The following RAB3GAP2 variants were observed in gnomAD, a reference collection of about 807,000 sequenced individuals.
RAB3GAP2 encodes the protein RAB3 GTPase activating non-catalytic protein subunit 2.
A neutral mutation model predicts 185.3 loss-of-function variants in RAB3GAP2; 87 were observed. That is an observed-to-expected ratio of 0.47 (90% CI 0.39 to 0.56). RAB3GAP2 has a LOEUF of 0.56. RAB3GAP2 is among the 20% of genes least tolerant of loss of function. The pLI, the probability that RAB3GAP2 is intolerant of heterozygous loss-of-function variation, is 0.00. For missense variants in RAB3GAP2, 1,492 were observed against 1,638.2 expected (o/e 0.91, Z 1.54); for synonymous variants, 554 against 576.1 (o/e 0.96, Z 0.55).
At chr1:220,161,443 C>G (rs76214229) in intron 28 of RAB3GAP2, among the ~76,000 whole-genome samples, 7 of 152,266 alleles carry the variant, frequency 4.6e-5, no homozygotes, top group Admixed American at 6.5e-5. Context: ...ACTAGTGTCC[C>G]TGGCCACTCA....
chr1:220,261,234 G>C (rs149597786), intron 1 of RAB3GAP2, among the ~76,000 whole-genome samples: 3 of 152,200 alleles, frequency 2.0e-5, no homozygotes, highest in African/African-American at 7.2e-5. Flanking sequence ...GGCAAGATAT[G>C]GTCACAGCAG....
chr1:220,184,804 A>G (rs944393864), intron 18 of RAB3GAP2, among the ~76,000 whole-genome samples: 8 of 152,100 alleles, frequency 5.3e-5, no homozygotes, highest in African/African-American at 1.9e-4. Flanking sequence ...GGGCTTTGTA[A>G]GTATACCACG....
At chr1:220,151,429 A>T in intron 34 of RAB3GAP2, 23 bp from the exon 35 acceptor site, 4 of 1,614,078 alleles carry the variant, frequency 2.5e-6, no homozygotes, top group Non-Finnish European at 3.4e-6. Flanking sequence ...CACAAAAATA[A>T]CCTATTATAG....
chr1:220,253,610 G>A, intron 1 of RAB3GAP2: 1 of 1,577,828 alleles, frequency 6.3e-7, no homozygotes, highest in East Asian at 2.2e-5. Context: ...TTCCAGGAGG[G>A]TGAGCGAGTG....
At chr1:220,162,328 T>C (rs1657977296) in intron 27 of RAB3GAP2, 60 bp from the exon 28 acceptor site, 6 of 1,148,604 alleles carry the variant, frequency 5.2e-6, no homozygotes, top group Non-Finnish European at 7.9e-6. Flanking sequence ...TTATTACACA[T>C]AAATTACTCT....
intron 1 of RAB3GAP2, chr1:220,253,982 C>A (rs1421784148): frequency 6.2e-7 from 1 of 1,613,514 alleles, no homozygotes; most frequent in Admixed American, 1.7e-5. Flanking sequence ...AAGAAAAGGG[C>A]CCGGGTAGAT....
chr1:220,266,979 C>A (rs1433431943), intron 1 of RAB3GAP2: 1 of 1,608,908 alleles, frequency 6.2e-7, no homozygotes, highest in East Asian at 2.2e-5. Flanking sequence ...CTCCAAGGCT[C>A]CAGAGATCCA....
chr1:220,213,925 C>G lies in RAB3GAP2; in HGVS notation c.235G>C (p.Val79Leu), dbSNP rs948780757. The G allele has an allele frequency of 1.2e-6, 2 of 1,613,234 alleles. No homozygotes were observed. The highest frequency in any genetic ancestry group is 1.7e-5 in the Admixed American group (1 of 60,000). Residue 79 changes from valine (V) to leucine (L), a missense_variant, in exon 3 of 35, where the codon GTT becomes CTT. This residue lies in a region of RAB3GAP2 where 177 missense variants were observed against 160.6 expected (regional missense o/e 1.10). Transcript: ENST00000358951. ...TQKTSWLQDC[V>L]LSLSPTNDLM... is the part of the protein sequence containing the mutation. Reference sequence around the variant, plus strand: ...TCATTGGTTGGAGATAAGGATAAAACACAATCTTGGAGCCAGGAAGTTTTT... The same window carrying G: ...TCATTGGTTGGAGATAAGGATAAAAGACAATCTTGGAGCCAGGAAGTTTTT...
intron 21 of RAB3GAP2, among the ~76,000 whole-genome samples, chr1:220,180,998 T>G (rs1658393978): frequency 6.6e-6 from 1 of 152,226 alleles, no homozygotes; most frequent in African/African-American, 2.4e-5. Context: ...TTTTTTCTTG[T>G]CATTATTCCC....
At position 220,200,511 on chromosome 1, in the gene RAB3GAP2, T is replaced by C. The variant is rs78808041; in HGVS notation, c.811+1765A>G. 1,340 of 511,852 alleles carry C rather than the reference T, an allele frequency of 2.6e-3. 17 individuals are homozygous for C. Among genetic ancestry groups the C allele is most frequent in the African/African-American group, 0.024 (1,208 of 51,030 alleles). 31.7% of individuals were successfully genotyped at this position (511,852 alleles called of 1,614,324 possible). ...AATTAACCAGACCTCTACATAAAGA[T>C]GTACATACAATAACGTTTATTGTAC... On this transcript the variant is annotated intron_variant, in intron 9 of 34. Transcript: ENST00000358951.
Position 220,167,520 on chromosome 1 carries a change from C to T in RAB3GAP2, c.2962G>A (p.Asp988Asn), listed in dbSNP as rs369645487. Residue 988 changes from aspartate (D) to asparagine (N), a missense_variant, in exon 25 of 35, where the codon GAC becomes AAC. Physicochemically the swap from Asp to Asn is conservative, Grantham distance 23 (BLOSUM62 1). Around this residue, in one of 5 missense-constraint regions of RAB3GAP2, gnomAD observed 681 missense variants for 689.1 expected, o/e 0.99. Coordinates refer to ENST00000358951, the MANE Select transcript of RAB3GAP2 (RefSeq NM_012414.4). The part of the protein sequence containing the change: ...SFLEVSEMEM[D>N]LGAIPDLLHL... ...GTATCACCTGGTATGGCTCCTAAGT[C>T]CATCTCCATCTCTGATACCTCAAGG... is the stretch of plus-strand genomic sequence containing the variant. 147 of 1,614,014 alleles carry T rather than the reference C, an allele frequency of 9.1e-5. No homozygotes were observed. The highest frequency in any genetic ancestry group is 1.2e-4 in the Non-Finnish European group (141 of 1,180,024).
chr1:220,157,334 A>G lies in RAB3GAP2; in HGVS notation c.3491T>C (p.Ile1164Thr), dbSNP rs1390417055. ...AGAAAACCTCATGACTGCATACAAG[A>G]TGGAGCACAGGATGGAGTGGTGCTC... ...LVEHHSILCS[I>T]LYAVMRFSLK... The change falls in exon 31 of 35, where the codon ATC (isoleucine) becomes ACC (threonine). Residue 1164 changes from isoleucine (I) to threonine (T), a missense_variant. Physicochemically the swap from Ile to Thr is moderately conservative, Grantham distance 89. Coordinates refer to ENST00000358951, the MANE Select transcript of RAB3GAP2 (RefSeq NM_012414.4). 1.2e-6 allele frequency: 2 copies of G among 1,613,974 alleles called. No individual in the cohort carries two copies. Among genetic ancestry groups the G allele is most frequent in the Non-Finnish European group, 8.5e-7 (1 of 1,179,978 alleles).
intron 4 of RAB3GAP2, 72 bp from the exon 5 acceptor site, chr1:220,211,074 T>C (rs1387602067): frequency 7.1e-6 from 10 of 1,407,616 alleles, no homozygotes; most frequent in Non-Finnish European, 1.0e-5. Context: ...TATAATTGGA[T>C]GTTAAAGGAT....
chr1:220,255,311 C>T (rs1459150631), intron 1 of RAB3GAP2, among the ~76,000 whole-genome samples: 1 of 151,922 alleles, frequency 6.6e-6, no homozygotes, highest in East Asian at 1.9e-4. Context: ...GATAGATAGC[C>T]CCCAAAGATG....
Position 220,190,135 on chromosome 1 carries a change from C to G in RAB3GAP2, c.1643G>C (p.Ser548Thr). 6.2e-7 allele frequency: 1 copy of G among 1,612,396 alleles called. No individual in the cohort carries two copies. Among genetic ancestry groups the G allele is most frequent in the Non-Finnish European group, 8.5e-7 (1 of 1,178,584 alleles). The stretch of plus-strand genomic sequence containing the variant: ...TAGGTGCATATCCTTGGCTCGTTCA[C>G]TCTTCTTATCACTAAACCAATAAAT... ...PFHLALSDKK[S>T]ERAKDMHLVK... is the part of the protein sequence containing the mutation. The change falls in exon 16 of 35, where the codon AGT (serine) becomes ACT (threonine). Residue 548 changes from serine to threonine, a missense_variant. Around this residue, in one of 5 missense-constraint regions of RAB3GAP2, gnomAD observed 681 missense variants for 689.1 expected, o/e 0.99. Transcript: ENST00000358951.
intron 14 of RAB3GAP2, 89 bp from the exon 15 acceptor site, chr1:220,190,609 T>A: frequency 7.4e-7 from 1 of 1,347,226 alleles, no homozygotes; most frequent in Non-Finnish European, 1.1e-6. Context: ...AAACCCAACA[T>A]TATTATCAAT....
intron 21 of RAB3GAP2, among the ~76,000 whole-genome samples, chr1:220,175,379 C>A (rs909727343): frequency 1.3e-5 from 2 of 152,034 alleles, no homozygotes; most frequent in South Asian, 4.2e-4. Flanking sequence ...CCACCATGCC[C>A]GGCTAATTTT....
rs1660243746 is a variant in RAB3GAP2 at position 220,267,209 on chromosome 1, T to C, written c.115+5014A>G. On this transcript the variant is annotated intron_variant, in intron 1 of 34. Transcript: ENST00000358951. ...GACAGGGCACTTGCCAATTCTGTGA[T>C]ATAAGTAGCAGTTCTCTGCTCATCA... is the stretch of plus-strand genomic sequence containing the variant. The C allele has an allele frequency of 1.5e-5, 14 of 926,390 alleles. No individual in the cohort carries two copies. The Admixed American group carries it at 1.5e-4, about 10-fold the overall frequency. 57.4% of individuals were successfully genotyped at this position (926,390 alleles called of 1,614,324 possible).
chr1:220,243,129 C>T (rs949031238), intron 1 of RAB3GAP2, among the ~76,000 whole-genome samples: 22 of 152,098 alleles, frequency 1.4e-4, no homozygotes, highest in Non-Finnish European at 2.1e-4. Context: ...CCGAGGGGGG[C>T]GGATCACAAG....
Sources: allele counts gnomAD v4.1 joint callset (sites outside exome capture counted in the v4.1 genomes callset), GRCh38; gene constraint gnomAD v4.1.1; regional missense constraint gnomAD v4.1.1; transcripts MANE v1.5; gene names NCBI Gene and HGNC (gene_info 2026-07-23, HGNC 2026-07-21).